PCDHB2: variants seen among roughly 807,000 people sequenced by gnomAD.
PCDHB2 encodes protocadherin beta 2, also known as protocadherin beta-2.
For synonymous variants in PCDHB2, 395 were observed against 464.9 expected (o/e 0.85, Z 1.93); for missense variants, 914 against 1,023.1 (o/e 0.89, Z 1.45).
In PCDHB2 at chr5:141,095,759, G is replaced by C. The variant is rs201399974; in HGVS notation, c.969G>C (p.Ala323=). ...AGACATACACAGTAAATATTCAGGC[G>C]ACAGATGGTGGGGGCCTATCTGGAA... ...SIQTYTVNIQ[A]TDGGGLSGTC... Residue 323 remains alanine (A), a synonymous_variant, in exon 1 of 1, where the codon GCG becomes GCC. Transcript: ENST00000194155. 128 of 1,614,156 alleles carry C rather than the reference G, an allele frequency of 7.9e-5. No individual in the cohort carries two copies. Among genetic ancestry groups the C allele is most frequent in the Middle Eastern group, 1.7e-4 (1 of 6,060 alleles).
Position 141,096,648 on chromosome 5 carries a change from T to C in PCDHB2, c.1858T>C (p.Trp620Arg), listed in dbSNP as rs1751834473. The C allele has an allele frequency of 6.2e-7, 1 of 1,609,052 alleles. No individual in the cohort carries two copies. Among genetic ancestry groups the C allele is most frequent in the African/African-American group, 1.3e-5 (1 of 74,840 alleles). ...KATEPGLFGVWAHNGEVRTAR... is the reference protein window; with the variant it reads ...KATEPGLFGVRAHNGEVRTAR... ...CACGGAGCCCGGGCTGTTCGGCGTG[T>C]GGGCGCACAATGGCGAGGTGCGCAC... The change falls in exon 1 of 1, where the codon TGG becomes CGG. Residue 620 changes from tryptophan to arginine, a missense_variant. Transcript: ENST00000194155.
rs1554271463 is a variant in PCDHB2, at chr5:141,096,296, C to T, written c.1506C>T (p.Leu502=). Residue 502 remains leucine, a synonymous_variant, in exon 1 of 1, where the codon CTC becomes CTT. Coordinates refer to ENST00000194155, the MANE Select transcript of PCDHB2 (RefSeq NM_018936.4). ...LLPPQDPHLP[L]ASLVSINADN... ...CGCCCCAGGACCCGCACCTGCCCCT[C>T]GCCTCCCTGGTCTCCATCAACGCGG... is the stretch of plus-strand genomic sequence containing the variant. 1 of 1,613,376 alleles carries T rather than the reference C, an allele frequency of 6.2e-7. No individual in the cohort carries two copies. Among genetic ancestry groups the T allele is most frequent in the South Asian group, 1.1e-5 (1 of 91,050 alleles).
chr5:141,095,307 A>T lies in PCDHB2; in HGVS notation c.517A>T (p.Thr173Ser), dbSNP rs201225926. Residue 173 changes from threonine to serine, a missense_variant, in exon 1 of 1, where the codon ACA becomes TCA. Physicochemically the swap from Thr to Ser is moderately conservative, Grantham distance 58 (BLOSUM62 1). Coordinates refer to ENST00000194155, the MANE Select transcript of PCDHB2 (RefSeq NM_018936.4). ...DVGTNSLQNY[T>S]ISPNFHFHLN... Reference sequence around the variant, plus strand: ...AGGAACCAACAGTCTCCAAAATTACACAATCAGTCCCAATTTCCACTTTCA... The same window carrying T: ...AGGAACCAACAGTCTCCAAAATTACTCAATCAGTCCCAATTTCCACTTTCA... The T allele has an allele frequency of 6.2e-7, 1 of 1,614,078 alleles. No homozygotes were observed. Among genetic ancestry groups the T allele is most frequent in the South Asian group, 1.1e-5 (1 of 91,066 alleles).
At position 141,094,822 on chromosome 5, in the gene PCDHB2, C is replaced by G. The variant is rs1554271070; in HGVS notation, c.32C>G (p.Pro11Arg). Reference sequence around the variant, plus strand: ...GCCGGAGAGGGGAAGGAGCGCGTTCCGAAACAAAGGCAAGTCCTGATATTC... The same window carrying G: ...GCCGGAGAGGGGAAGGAGCGCGTTCGGAAACAAAGGCAAGTCCTGATATTC... MEAGEGKERV[P>R]KQRQVLIFFV... The change falls in exon 1 of 1, where the codon CCG becomes CGG. Residue 11 changes from proline to arginine, a missense_variant. Physicochemically the swap from Pro to Arg is moderately radical, Grantham distance 103 (BLOSUM62 -2). Transcript: ENST00000194155. The G allele has an allele frequency of 1.9e-6, 3 of 1,579,700 alleles. No homozygotes were observed. Among genetic ancestry groups the G allele is most frequent in the South Asian group, 2.3e-5 (2 of 85,976 alleles).
Position 141,095,977 on chromosome 5 carries a change from A to C in PCDHB2, c.1187A>C (p.Lys396Thr). 6.2e-7 allele frequency: 1 copy of C among 1,614,040 alleles called. No homozygotes were observed. Among genetic ancestry groups the C allele is most frequent in the South Asian group, 1.1e-5 (1 of 91,080 alleles). ...SIQDDLPFFL[K>T]PSVENFYTLV... The stretch of plus-strand genomic sequence containing the variant: ...CAAGATGATCTTCCTTTTTTCTTGA[A>C]ACCTTCTGTTGAGAACTTTTACACT... Residue 396 changes from lysine to threonine, a missense_variant, in exon 1 of 1, where the codon AAA (lysine) becomes ACA (threonine). Physicochemically the swap from Lys to Thr is moderately conservative, Grantham distance 78. Coordinates refer to ENST00000194155, the MANE Select transcript of PCDHB2 (RefSeq NM_018936.4).
rs1244693545 is a variant in PCDHB2, at chr5:141,095,892, G to C, written c.1102G>C (p.Ala368Pro). The C allele has an allele frequency of 6.2e-7, 1 of 1,613,900 alleles. No homozygotes were observed. Among genetic ancestry groups the C allele is most frequent in the African/African-American group, 1.3e-5 (1 of 74,902 alleles). The change falls in exon 1 of 1, where the codon GCT (alanine) becomes CCT (proline). Residue 368 changes from alanine (A) to proline (P), a missense_variant. Coordinates refer to ENST00000194155, the MANE Select transcript of PCDHB2 (RefSeq NM_018936.4). ...IPENLQDTLI[A>P]VFSVSDPDSG... ...AGAAAACTTGCAGGACACCCTCATT[G>C]CTGTATTCAGCGTTTCAGATCCTGA... is the stretch of plus-strand genomic sequence containing the variant.
Position 141,098,351 on chromosome 5 carries a change from C to T in PCDHB2, c.*1164C>T, listed in dbSNP as rs1353115703. On this transcript the variant is annotated 3_prime_UTR_variant, in exon 1 of 1. Transcript: ENST00000194155. ...GGGAGTACATGTCTTTGTCCTTTAC[C>T]TTTAGAACCCTCAAACATAGCTTGG... 1.3e-5 allele frequency: 2 copies of T among 151,998 alleles called. No homozygotes were observed. Among genetic ancestry groups the T allele is most frequent in the African/African-American group, 2.4e-5 (1 of 41,344 alleles). 9.4% of individuals were successfully genotyped at this position (151,998 alleles called of 1,614,324 possible).
Position 141,095,080 on chromosome 5 carries a change from T to A in PCDHB2, c.290T>A (p.Leu97Gln). ...AATGAGAAATTGGACCGGGAGGAGC[T>A]GTGCGGCCCCACAGAGCCCTGTGTC... is the stretch of plus-strand genomic sequence containing the variant. ...LLNEKLDREELCGPTEPCVLP... is the reference protein window; with the variant it reads ...LLNEKLDREEQCGPTEPCVLP... The change falls in exon 1 of 1, where the codon CTG becomes CAG. Residue 97 changes from leucine to glutamine, a missense_variant. Physicochemically the swap from Leu to Gln is moderately radical, Grantham distance 113. Transcript: ENST00000194155. 1 of 1,614,164 alleles carries A rather than the reference T, an allele frequency of 6.2e-7. No individual in the cohort carries two copies. The highest frequency in any genetic ancestry group is 8.5e-7 in the Non-Finnish European group (1 of 1,180,020).
chr5:141,096,906 T>G lies in PCDHB2; in HGVS notation c.2116T>G (p.Ser706Ala). 6.2e-7 allele frequency: 1 copy of G among 1,612,352 alleles called. No homozygotes were observed. The highest frequency in any genetic ancestry group is 1.3e-5 in the African/African-American group (1 of 74,968). Residue 706 changes from serine to alanine, a missense_variant, in exon 1 of 1, where the codon TCG becomes GCG. Coordinates refer to ENST00000194155, the MANE Select transcript of PCDHB2 (RefSeq NM_018936.4). ...LASVSSLFLFSVLLFVAVRLC... is the reference protein window; with the variant it reads ...LASVSSLFLFAVLLFVAVRLC... The stretch of plus-strand genomic sequence containing the variant: ...CTCGGTGTCTTCGCTCTTCCTCTTC[T>G]CGGTGCTCCTGTTCGTGGCGGTGCG...
rs2021047 is a variant in PCDHB2, at chr5:141,096,701, T to A, written c.1911T>A (p.Ala637=). The A allele has an allele frequency of 4.2e-4, 681 of 1,610,418 alleles. 3 individuals are homozygous for A. The African/African-American group carries it at 6.7e-3, about 16-fold the overall frequency. The change falls in exon 1 of 1, where the codon GCT becomes GCA. Residue 637 remains alanine (A), a synonymous_variant. Transcript: ENST00000194155. The stretch of plus-strand genomic sequence containing the variant: ...CCAGGCTGCTGAGGGAGCGCGACGC[T>A]GCCAAGCAGAGGCTGGTGGTGCTGG... ...RTARLLRERD[A]AKQRLVVLVK... is the part of the protein sequence containing the mutation.
chr5:141,095,928 A>T lies in PCDHB2; in HGVS notation c.1138A>T (p.Asn380Tyr). The change falls in exon 1 of 1, where the codon AAC becomes TAC. Residue 380 changes from asparagine to tyrosine, a missense_variant. Transcript: ENST00000194155. Reference protein sequence around the residue: ...FSVSDPDSGDNGRMVCSIQDD... With the variant: ...FSVSDPDSGDYGRMVCSIQDD... ...CGTTTCAGATCCTGACTCCGGAGAC[A>T]ACGGAAGGATGGTGTGCTCCATCCA... 7 of 1,614,198 alleles carry T rather than the reference A, an allele frequency of 4.3e-6. No homozygotes were observed. Among genetic ancestry groups the T allele is most frequent in the Non-Finnish European group, 5.9e-6 (7 of 1,180,032 alleles).
rs1751867856 is a variant in PCDHB2 at position 141,097,893 on chromosome 5, G to A, written c.*706G>A. The A allele has an allele frequency of 2.0e-5, 3 of 152,088 alleles. No homozygotes were observed. The highest frequency in any genetic ancestry group is 7.2e-5 in the African/African-American group (3 of 41,402). The allele number at this position is 152,088 out of a possible 1,614,324, so 9.4% of individuals were successfully genotyped here. A position where few individuals can be genotyped will look rare whatever the true frequency, so the allele number is the denominator to read the frequency against. On this transcript the variant is annotated 3_prime_UTR_variant, in exon 1 of 1. Transcript: ENST00000194155. ...TTTGTATTTTTAGTAGAGACAGGGT[G>A]TCTCCATGTTGGTCAGGTTGGTCTT... is the stretch of plus-strand genomic sequence containing the variant.
Position 141,095,919 on chromosome 5 carries a change from T to G in PCDHB2, c.1129T>G (p.Ser377Ala). ...IAVFSVSDPD[S>A]GDNGRMVCSI... is the part of the protein sequence containing the mutation. ...TGTATTCAGCGTTTCAGATCCTGAC[T>G]CCGGAGACAACGGAAGGATGGTGTG... Residue 377 changes from serine (S) to alanine (A), a missense_variant, in exon 1 of 1, where the codon TCC becomes GCC. Ser to Ala is a moderately conservative substitution (Grantham distance 99). Transcript: ENST00000194155. 4.3e-6 allele frequency: 7 copies of G among 1,614,154 alleles called. No homozygotes were observed. Among genetic ancestry groups the G allele is most frequent in the Non-Finnish European group, 5.9e-6 (7 of 1,180,024 alleles).
rs1380292042 is a variant in PCDHB2, at chr5:141,095,224, C to G, written c.434C>G (p.Pro145Arg). The G allele has an allele frequency of 2.5e-6, 4 of 1,612,420 alleles. No homozygotes were observed. In the East Asian group the frequency reaches 8.9e-5, roughly 36 times the overall value. ...GACAAAGAAATACTTTTGAAAATTC[C>G]AGAAAGTATCACTCCTGGAACTACT... Reference protein sequence around the residue: ...FLDKEILLKIPESITPGTTFL... With the variant: ...FLDKEILLKIRESITPGTTFL... The change falls in exon 1 of 1, where the codon CCA (proline) becomes CGA (arginine). Residue 145 changes from proline (P) to arginine (R), a missense_variant. Pro to Arg is a moderately radical substitution (Grantham distance 103). Coordinates refer to ENST00000194155, the MANE Select transcript of PCDHB2 (RefSeq NM_018936.4).
rs183010635 is a variant in PCDHB2 at position 141,098,442 on chromosome 5, A to G, written c.*1255A>G. 14 of 152,258 alleles carry G rather than the reference A, an allele frequency of 9.2e-5. No homozygotes were observed. In the East Asian group the frequency reaches 2.7e-3, roughly 29 times the overall value. The allele number at this position is 152,258 out of a possible 1,614,324, so 9.4% of individuals were successfully genotyped here. On this transcript the variant is annotated 3_prime_UTR_variant, in exon 1 of 1. Transcript: ENST00000194155. ...CTTAGAAACAAGCCTTTAGGGAGAA[A>G]AATTTATCTAGCACCACTCACTCTA...
Position 141,097,337 on chromosome 5 carries a change from G to A in PCDHB2, c.*150G>A. On this transcript the variant is annotated 3_prime_UTR_variant, in exon 1 of 1. Transcript: ENST00000194155. ...GTTACTGGTATTTATAAATGTATGAGTTTTTTTGCGGTATAATAAATGTAA... is the reference window on the plus strand; with the variant it reads ...GTTACTGGTATTTATAAATGTATGAATTTTTTTGCGGTATAATAAATGTAA... 2.4e-6 allele frequency: 2 copies of A among 849,862 alleles called. No homozygotes were observed. The highest frequency in any genetic ancestry group is 1.7e-6 in the Non-Finnish European group (1 of 578,850). The allele number at this position is 849,862 out of a possible 1,614,324, so 52.6% of individuals were successfully genotyped here.
rs1244693545 is a variant in PCDHB2 at position 141,095,892 on chromosome 5, G to T, written c.1102G>T (p.Ala368Ser). 1.2e-6 allele frequency: 2 copies of T among 1,614,018 alleles called. No individual in the cohort carries two copies. Among genetic ancestry groups the T allele is most frequent in the Non-Finnish European group, 1.7e-6 (2 of 1,179,964 alleles). Reference protein sequence around the residue: ...IPENLQDTLIAVFSVSDPDSG... With the variant: ...IPENLQDTLISVFSVSDPDSG... The stretch of plus-strand genomic sequence containing the variant: ...AGAAAACTTGCAGGACACCCTCATT[G>T]CTGTATTCAGCGTTTCAGATCCTGA... Residue 368 changes from alanine (A) to serine (S), a missense_variant, in exon 1 of 1, where the codon GCT becomes TCT. Physicochemically the swap from Ala to Ser is moderately conservative, Grantham distance 99. Transcript: ENST00000194155.
rs1751873378 is a variant in PCDHB2, at chr5:141,098,242, A to G, written c.*1055A>G. 1 of 152,176 alleles carries G rather than the reference A, an allele frequency of 6.6e-6. No individual in the cohort carries two copies. Among genetic ancestry groups the G allele is most frequent in the Non-Finnish European group, 1.5e-5 (1 of 68,028 alleles). The allele number at this position is 152,176 out of a possible 1,614,324, so 9.4% of individuals were successfully genotyped here. A position where few individuals can be genotyped will look rare whatever the true frequency, so the allele number is the denominator to read the frequency against. ...TAGTTTTTTTAAGAGCCCTCTGCTT[A>G]TTCCAGTCCCCCCCTTTAAAATCTT... On this transcript the variant is annotated 3_prime_UTR_variant, in exon 1 of 1. Coordinates refer to ENST00000194155, the MANE Select transcript of PCDHB2 (RefSeq NM_018936.4).
Position 141,094,859 on chromosome 5 carries a change from G to A in PCDHB2, c.69G>A (p.Leu23=). 1 of 1,609,856 alleles carries A rather than the reference G, an allele frequency of 6.2e-7. No individual in the cohort carries two copies. The highest frequency in any genetic ancestry group is 8.5e-7 in the Non-Finnish European group (1 of 1,178,586). ...QRQVLIFFVL[L]GIAQASCQPR... ...AAGTCCTGATATTCTTTGTTTTGCT[G>A]GGCATAGCTCAGGCTAGTTGCCAGC... Residue 23 remains leucine, a synonymous_variant, in exon 1 of 1, where the codon CTG becomes CTA. Coordinates refer to ENST00000194155, the MANE Select transcript of PCDHB2 (RefSeq NM_018936.4).
Sources: gnomAD v4.1 joint callset for allele counts on GRCh38, gnomAD v4.1.1 for gene constraint, MANE v1.5 for transcripts, NCBI Gene and HGNC (gene_info 2026-07-23, HGNC 2026-07-21) for gene names.